Variants in PRPF3 observed in about 807,000 individuals in gnomAD.
PRPF3 encodes the protein pre-mRNA processing factor 3.
PRPF3 carries 3 observed loss-of-function variants against 89.2 expected under a neutral mutation model. The ratio of observed to expected loss-of-function variants is 0.03; its 90% CI spans 0.02 to 0.09. The LOEUF (loss-of-function observed/expected upper bound fraction) is 0.09, where lower values mean the gene tolerates loss of function less well. PRPF3 is among the 10% of genes least tolerant of loss of function. PRPF3 has a pLI of 1.00. For missense variants in PRPF3, 463 were observed against 828.8 expected (o/e 0.56, Z 5.42); for synonymous variants, 270 against 289.1 (o/e 0.93, Z 0.67).
intron 9 of PRPF3, among the ~76,000 whole-genome samples, chr1:150,342,592 G>A (rs944869447): frequency 4.0e-5 from 6 of 151,648 alleles, no homozygotes; most frequent in Non-Finnish European, 7.4e-5. Flanking sequence ...GCACAATCTC[G>A]GCTCACTGCA....
intron 4 of PRPF3, among the ~76,000 whole-genome samples, chr1:150,330,893 A>G (rs1457309645): frequency 2.0e-5 from 3 of 148,506 alleles, no homozygotes; most frequent in African/African-American, 7.5e-5. Context: ...ATTTTTTTGT[A>G]TGTTTAGTAG....
chr1:150,324,853 A>G, intron 1 of PRPF3, 42 bp from the exon 2 acceptor site: 1 of 1,493,608 alleles, frequency 6.7e-7, no homozygotes, highest in Non-Finnish European at 9.1e-7. Flanking sequence ...AGCCCACTTT[A>G]GTCTTTTCTT....
intron 7 of PRPF3, among the ~76,000 whole-genome samples, chr1:150,337,163 T>G (rs2794615): frequency 1.3e-5 from 2 of 150,992 alleles, no homozygotes; most frequent in Non-Finnish European, 2.9e-5. Flanking sequence ...CTCAGCCTGC[T>G]GAGTAGCTGG....
At chr1:150,345,376 G>A (rs1199043478) in intron 12 of PRPF3, among the ~76,000 whole-genome samples, 1 of 152,004 alleles carries the variant, frequency 6.6e-6, no homozygotes, top group Non-Finnish European at 1.5e-5. Context: ...TTGAGACGGA[G>A]TTTCAGTCTT....
At chr1:150,333,259 C>A (rs979455343) in intron 6 of PRPF3, 60 bp downstream of exon 6, 154 of 1,553,052 alleles carry the variant, frequency 9.9e-5, no homozygotes, top group Non-Finnish European at 2.6e-5. Context: ...CAATAAATAC[C>A]TTTGAATGTT....
At position 150,325,740 on chromosome 1, in the gene PRPF3, C is replaced by T. The variant is rs1402456945; in HGVS notation, c.146-11C>T. On this transcript the variant is annotated splice_polypyrimidine_tract_variant and intron_variant, in intron 2 of 15. Transcript: ENST00000324862. ...CCTTTCCAACCCTACCACCGCCTTT[C>T]TTCCTGTCAGATCATCTGAAACCTT... 3 of 1,611,328 alleles carry T rather than the reference C, an allele frequency of 1.9e-6. No individual in the cohort carries two copies. The highest frequency in any genetic ancestry group is 2.5e-6 in the Non-Finnish European group (3 of 1,178,354).
intron 7 of PRPF3, among the ~76,000 whole-genome samples, chr1:150,336,742 C>T (rs894669341): frequency 2.6e-5 from 4 of 151,524 alleles, no homozygotes; most frequent in Non-Finnish European, 4.4e-5. Context: ...GGCAAAAGAG[C>T]GAAACTCCGT....
At chr1:150,343,787 G>C (rs1658019205) in intron 10 of PRPF3, among the ~76,000 whole-genome samples, 1 of 152,136 alleles carries the variant, frequency 6.6e-6, no homozygotes, top group Admixed American at 6.6e-5. Context: ...TTTTTACAAT[G>C]AAAGTACAGG....
In PRPF3 at chr1:150,343,433, G is replaced by A. The variant is rs587594838; in HGVS notation, c.1407G>A (p.Met469Ile). The A allele has an allele frequency of 5.4e-5, 87 of 1,612,624 alleles. No individual in the cohort carries two copies. The East Asian group carries it at 1.5e-3, about 28-fold the overall frequency. ...ELQEKVRLGLMPPPEPKVRIS... is the reference protein window; with the variant it reads ...ELQEKVRLGLIPPPEPKVRIS... ...AAGAAAAAGTCAGGCTGGGCCTGAT[G>A]CCTCCTCCAGAACCCAAAGGTGCAT... Residue 469 changes from methionine (M) to isoleucine (I), a missense_variant, in exon 10 of 16, where the codon ATG becomes ATA. Physicochemically the swap from Met to Ile is conservative, Grantham distance 10. This residue lies in a region of PRPF3 where 261 missense variants were observed against 475.8 expected (regional missense o/e 0.55). Coordinates refer to ENST00000324862, the MANE Select transcript of PRPF3 (RefSeq NM_004698.4).
chr1:150,337,639 G>C (rs1475165999), intron 7 of PRPF3, among the ~76,000 whole-genome samples: 1 of 151,850 alleles, frequency 6.6e-6, no homozygotes, highest in African/African-American at 2.4e-5. Flanking sequence ...TGAGCCGGGC[G>C]TGGTGATGGG....
intron 4 of PRPF3, among the ~76,000 whole-genome samples, chr1:150,329,036 A>ATTTTTT (rs1656035406): frequency 2.8e-4 from 2 of 7,212 alleles, no homozygotes; most frequent in South Asian, 6.8e-3. Context: ...TTTGGGGTAA[A>ATTTTTT]CTTTTTTTTT....
intron 14 of PRPF3, among the ~76,000 whole-genome samples, chr1:150,347,208 A>G (rs933213626): frequency 5.9e-5 from 9 of 152,036 alleles, no homozygotes; most frequent in African/African-American, 2.2e-4. Flanking sequence ...CTTCAGGTCA[A>G]AAAAGCTCTG....
chr1:150,349,275 C>T (rs1353969792), intron 15 of PRPF3, 57 bp downstream of exon 15: 2 of 1,227,888 alleles, frequency 1.6e-6, no homozygotes, highest in Admixed American at 1.7e-5. Flanking sequence ...AATATTTATA[C>T]TATTTGAGTG....
At chr1:150,323,779 C>CTT (rs781936072) in intron 1 of PRPF3, among the ~76,000 whole-genome samples, 93,000 of 125,974 alleles carry the variant, frequency 0.74, 36,229 homozygotes, top group South Asian at 0.94. Context: ...ACAGAACATT[C>CTT]TTTTTTTTTT....
chr1:150,342,755 T>G (rs1553871673), intron 9 of PRPF3, among the ~76,000 whole-genome samples: 1 of 151,670 alleles, frequency 6.6e-6, no homozygotes, highest in Non-Finnish European at 1.5e-5. Flanking sequence ...TCTCTTGACC[T>G]CGTGATCTGC....
At position 150,333,199 on chromosome 1, in the gene PRPF3, C is replaced by G. The variant is rs782062577; in HGVS notation, c.728C>G (p.Pro243Arg). Residue 243 changes from proline to arginine, a missense_variant and splice_region_variant, in exon 6 of 16, where the codon CCG becomes CGG. Transcript: ENST00000324862. ...CTCCATGCCATGGGCATTGCTCCCC[C>G]GTGAGTGTCTATTTCATGGAATACC... ...ANLHAMGIAP[P>R]KVELKDQTKP... 6.2e-7 allele frequency: 1 copy of G among 1,613,654 alleles called. No individual in the cohort carries two copies. The highest frequency in any genetic ancestry group is 8.5e-7 in the Non-Finnish European group (1 of 1,179,718).
intron 1 of PRPF3, among the ~76,000 whole-genome samples, chr1:150,323,998 C>G (rs994386310): frequency 4.6e-5 from 7 of 151,938 alleles, no homozygotes; most frequent in African/African-American, 1.7e-4. Context: ...CCAGGCTGGT[C>G]TTGAACTCCT....
chr1:150,328,514 G>C, intron 4 of PRPF3, 48 bp downstream of exon 4: 1 of 1,430,260 alleles, frequency 7.0e-7, no homozygotes, highest in South Asian at 1.1e-5. Context: ...AGTTGAAGAA[G>C]CAAAAGGTGC....
chr1:150,350,592 T>C (rs1658828597), intron 15 of PRPF3, among the ~76,000 whole-genome samples: 1 of 152,198 alleles, frequency 6.6e-6, no homozygotes, highest in Non-Finnish European at 1.5e-5. Context: ...GAATTCTTTA[T>C]TATAAAAGTG....
Sources: gnomAD v4.1 joint callset for allele counts (sites outside exome capture counted in the v4.1 genomes callset) on GRCh38, gnomAD v4.1.1 for gene constraint, gnomAD v4.1.1 regional missense constraint, MANE v1.5 for transcripts, NCBI Gene and HGNC (gene_info 2026-07-23, HGNC 2026-07-21) for gene names.